JADE2: variants seen among roughly 807,000 people sequenced by gnomAD.
JADE2 encodes jade family PHD finger 2, also known as E3 ubiquitin-protein ligase Jade-2.
In JADE2, 13 loss-of-function variants were observed where a neutral mutation model predicts 85.7. That is an observed-to-expected ratio of 0.15 (90% CI 0.10 to 0.24). The LOEUF is 0.24. Ranked by LOEUF, JADE2 falls within the 10% of genes least tolerant of loss-of-function variation. JADE2 has a pLI of 1.00. For missense variants in JADE2, 846 were observed against 1,115.9 expected (o/e 0.76, Z 3.45); for synonymous variants, 440 against 456.1 (o/e 0.96, Z 0.45).
Position 134,581,140 on chromosome 5 carries a change from A to C in JADE2, c.*1823A>C, listed in dbSNP as rs1764692101. ...AGCAAAACAGGAAACAAAGATAATGACTCAGTTCAGAGGATCGGACAAATG... is the reference window on the plus strand; with the variant it reads ...AGCAAAACAGGAAACAAAGATAATGCCTCAGTTCAGAGGATCGGACAAATG... On this transcript the variant is annotated 3_prime_UTR_variant, in exon 12 of 12. Coordinates refer to ENST00000681547, the MANE Select transcript of JADE2 (RefSeq NM_001388185.1). 1 of 152,544 alleles carries C rather than the reference A, an allele frequency of 6.6e-6. No individual in the cohort carries two copies. Among genetic ancestry groups the C allele is most frequent in the Non-Finnish European group, 1.5e-5 (1 of 68,030 alleles). 9.4% of individuals were successfully genotyped at this position (152,544 alleles called of 1,614,324 possible).
At chr5:134,529,048 C>T (rs1220871727) in intron 1 of JADE2, among the ~76,000 whole-genome samples, 1 of 152,212 alleles carries the variant, frequency 6.6e-6, no homozygotes, top group Non-Finnish European at 1.5e-5. Flanking sequence ...CTGACCCCCA[C>T]ATCCTTGAGG....
At chr5:134,526,887 C>T in intron 1 of JADE2, 2 of 554,798 alleles carry the variant, frequency 3.6e-6, no homozygotes, top group South Asian at 7.7e-5. Flanking sequence ...GTACCGGCGG[C>T]GGCCGGAGCG....
chr5:134,550,690 G>T (rs570974784), intron 3 of JADE2, among the ~76,000 whole-genome samples: 1 of 152,210 alleles, frequency 6.6e-6, no homozygotes, highest in South Asian at 2.1e-4. Context: ...TTTGTGGGGG[G>T]ATCACGCAGT....
intron 3 of JADE2, among the ~76,000 whole-genome samples, chr5:134,539,865 G>A (rs1216284717): frequency 6.6e-6 from 1 of 152,222 alleles, no homozygotes; most frequent in Non-Finnish European, 1.5e-5. Flanking sequence ...ACTCCGCCTT[G>A]CCTCCTCCAG....
intron 2 of JADE2, among the ~76,000 whole-genome samples, chr5:134,537,056 A>G (rs1761636076): frequency 6.6e-6 from 1 of 152,230 alleles, no homozygotes; most frequent in South Asian, 2.1e-4. Context: ...AGGAGATCAC[A>G]GCATCTGGCC....
chr5:134,567,531 C>T (rs1034016030), intron 9 of JADE2, among the ~76,000 whole-genome samples: 1 of 152,162 alleles, frequency 6.6e-6, no homozygotes, highest in East Asian at 1.9e-4. Flanking sequence ...CACAGTGTCT[C>T]CCCTGGGTTC....
intron 3 of JADE2, among the ~76,000 whole-genome samples, chr5:134,547,758 G>A (rs1322578475): frequency 2.0e-5 from 3 of 152,230 alleles, no homozygotes; most frequent in African/African-American, 7.2e-5. Flanking sequence ...GCCCATGGAA[G>A]GATCTTGAGT....
At chr5:134,526,657 A>G (rs1760843545) in intron 1 of JADE2, 2 of 985,058 alleles carry the variant, frequency 2.0e-6, no homozygotes, top group South Asian at 4.7e-5. Flanking sequence ...GGCCCGGTGC[A>G]CGCGGGCGCT....
intron 1 of JADE2, chr5:134,533,502 A>G (rs560851756): frequency 8.4e-4 from 823 of 984,190 alleles, no homozygotes; most frequent in Non-Finnish European, 9.4e-4. Flanking sequence ...TCTGCTTTTA[A>G]TACTGTGGGA....
chr5:134,553,573 C>T (rs961149404), intron 4 of JADE2, among the ~76,000 whole-genome samples: 6 of 151,982 alleles, frequency 3.9e-5, no homozygotes, highest in Non-Finnish European at 8.8e-5. Context: ...AGGCTGGTCT[C>T]GAGCTCCTGA....
chr5:134,546,135 A>G (rs1479997809), intron 3 of JADE2, among the ~76,000 whole-genome samples: 2 of 151,886 alleles, frequency 1.3e-5, no homozygotes, highest in Non-Finnish European at 2.9e-5. Flanking sequence ...TCTTTACACA[A>G]GCATTTCGTT....
chr5:134,574,388 C>A (rs1042791975), intron 10 of JADE2: 1 of 162,948 alleles, frequency 6.1e-6, no homozygotes, highest in East Asian at 1.9e-4. Context: ...GACACAGGGC[C>A]CTTCTTGGAG....
At chr5:134,544,374 A>G (rs765962676) in intron 3 of JADE2, 1 of 165,104 alleles carries the variant, frequency 6.1e-6, no homozygotes, top group African/African-American at 2.4e-5. Flanking sequence ...TGGCTTTGCC[A>G]AAACACCCAG....
intron 7 of JADE2, 116 bp from the exon 8 acceptor site, chr5:134,564,378 C>T (rs1763508686): frequency 1.6e-6 from 1 of 606,506 alleles, no homozygotes. Flanking sequence ...TTCAGGGGCT[C>T]AGCCACTGCC....
intron 4 of JADE2, among the ~76,000 whole-genome samples, chr5:134,554,699 G>C (rs1310986008): frequency 6.6e-6 from 1 of 152,122 alleles, no homozygotes. Flanking sequence ...GGATGGACTG[G>C]GGGTGGGGAA....
At chr5:134,541,541 A>G (rs981079855) in intron 3 of JADE2, among the ~76,000 whole-genome samples, 2 of 152,152 alleles carry the variant, frequency 1.3e-5, no homozygotes, top group Non-Finnish European at 2.9e-5. Flanking sequence ...TATGAAGCCT[A>G]TGGGGTGGCT....
chr5:134,557,387 T>G (rs1763040731), intron 4 of JADE2, among the ~76,000 whole-genome samples: 1 of 143,920 alleles, frequency 6.9e-6, no homozygotes, highest in South Asian at 2.2e-4. Flanking sequence ...TTTTTTTTTT[T>G]TTTTAATTAT....
At chr5:134,548,881 T>C (rs1435885704) in intron 3 of JADE2, among the ~76,000 whole-genome samples, 1 of 152,148 alleles carries the variant, frequency 6.6e-6, no homozygotes, top group East Asian at 1.9e-4. Context: ...TTCAGGTCCA[T>C]GTGTTTGGGG....
At chr5:134,536,008 T>A in intron 2 of JADE2, 93 bp downstream of exon 2, 1 of 1,025,224 alleles carries the variant, frequency 9.8e-7, no homozygotes, top group Non-Finnish European at 1.5e-6. Flanking sequence ...CCTGTGGTCT[T>A]AATTTCACTA....
Sources: allele counts gnomAD v4.1 joint callset (sites outside exome capture counted in the v4.1 genomes callset), GRCh38; gene constraint gnomAD v4.1.1; transcripts MANE v1.5; gene names NCBI Gene and HGNC (gene_info 2026-07-23, HGNC 2026-07-21).